DENND1A: variants seen among roughly 807,000 people sequenced by gnomAD.
DENND1A encodes DENN domain containing 1A.
DENND1A carries 51 observed loss-of-function variants against 113.7 expected under a neutral mutation model. That is an observed-to-expected ratio of 0.45 (90% CI 0.36 to 0.57). DENND1A has a LOEUF of 0.57. Ranked by LOEUF, DENND1A falls within the 20% of genes least tolerant of loss-of-function variation. The pLI, the probability that DENND1A is intolerant of heterozygous loss-of-function variation, is 0.00. For synonymous variants in DENND1A, 565 were observed against 570.8 expected (o/e 0.99, Z 0.14); for missense variants, 1,258 against 1,395.9 (o/e 0.90, Z 1.57).
intron 13 of DENND1A, among the ~76,000 whole-genome samples, chr9:123,530,083 A>G (rs1035697518): frequency 2.0e-5 from 3 of 152,230 alleles, no homozygotes; most frequent in African/African-American, 7.2e-5. Flanking sequence ...AGCATGGCTA[A>G]TAAATTGGGA....
chr9:123,408,765 T>C (rs2044081703), intron 20 of DENND1A, among the ~76,000 whole-genome samples: 1 of 152,176 alleles, frequency 6.6e-6, no homozygotes, highest in South Asian at 2.1e-4. Flanking sequence ...GAGTCCTCAG[T>C]TGCCAATGGA....
At chr9:123,435,420 T>C (rs1411238513) in intron 19 of DENND1A, among the ~76,000 whole-genome samples, 3 of 152,214 alleles carry the variant, frequency 2.0e-5, no homozygotes, top group Non-Finnish European at 4.4e-5. Flanking sequence ...CAGACCTCCC[T>C]GCCACAGTTC....
intron 8 of DENND1A, among the ~76,000 whole-genome samples, chr9:123,656,477 T>C (rs1219822073): frequency 1.3e-5 from 2 of 152,172 alleles, no homozygotes; most frequent in African/African-American, 4.8e-5. Context: ...TGGGTGTAGA[T>C]GTCAGGGATA....
At chr9:123,655,246 C>T (rs1036711140) in intron 8 of DENND1A, among the ~76,000 whole-genome samples, 4 of 152,094 alleles carry the variant, frequency 2.6e-5, no homozygotes, top group Admixed American at 6.6e-5. Flanking sequence ...TGCCACGAGA[C>T]GGGGTCCTGT....
chr9:123,648,779 G>C (rs770185654), intron 9 of DENND1A, among the ~76,000 whole-genome samples: 1 of 152,018 alleles, frequency 6.6e-6, no homozygotes, highest in African/African-American at 2.4e-5. Flanking sequence ...TCACATTTAA[G>C]TTCTTGATCC....
At position 123,583,238 on chromosome 9, in the gene DENND1A, CACG is replaced by C; in HGVS notation, c.795_797del (p.Val266del). 6.2e-7 allele frequency: 1 copy of C among 1,612,372 alleles called. No individual in the cohort carries two copies. The highest frequency in any genetic ancestry group is 8.5e-7 in the Non-Finnish European group (1 of 1,179,106). On this transcript the variant is annotated inframe_deletion, in exon 12 of 24. Transcript: ENST00000394215. ...GGGTGTTGGTGTCCACATTCAGGAT[CACG>C]ACATCATCCAGGGCCATGTTTCTGA...
intron 12 of DENND1A, among the ~76,000 whole-genome samples, chr9:123,575,562 G>A (rs991990773): frequency 1.3e-5 from 2 of 152,208 alleles, no homozygotes; most frequent in African/African-American, 2.4e-5. Flanking sequence ...ATATCCACAT[G>A]ACATCACTGG....
intron 5 of DENND1A, among the ~76,000 whole-genome samples, chr9:123,734,546 A>G (rs1426561922): frequency 6.6e-6 from 1 of 152,196 alleles, no homozygotes; most frequent in African/African-American, 2.4e-5. Flanking sequence ...TAAGGCACCA[A>G]GTTTGGGATG....
chr9:123,450,126 G>A (rs1035028602), intron 18 of DENND1A, among the ~76,000 whole-genome samples: 1 of 151,406 alleles, frequency 6.6e-6, no homozygotes, highest in African/African-American at 2.4e-5. Flanking sequence ...TTTACTGACG[G>A]CTGGTGAAGA....
intron 3 of DENND1A, among the ~76,000 whole-genome samples, chr9:123,773,419 C>A (rs1358142050): frequency 6.6e-6 from 1 of 152,170 alleles, no homozygotes; most frequent in African/African-American, 2.4e-5. Context: ...CGAATTTACT[C>A]CAATCTGGAG....
At chr9:123,431,536 A>C (rs1451570721) in intron 19 of DENND1A, among the ~76,000 whole-genome samples, 1 of 152,204 alleles carries the variant, frequency 6.6e-6, no homozygotes, top group Non-Finnish European at 1.5e-5. Flanking sequence ...GCAAGAACCC[A>C]AGCTTTAGAA....
intron 21 of DENND1A, among the ~76,000 whole-genome samples, chr9:123,398,144 T>C (rs2043229532): frequency 2.0e-5 from 3 of 152,220 alleles, no homozygotes; most frequent in Admixed American, 1.3e-4. Flanking sequence ...CAGATGCCTG[T>C]AATTATCTCC....
intron 2 of DENND1A, among the ~76,000 whole-genome samples, chr9:123,841,159 C>G (rs1185668793): frequency 2.0e-5 from 3 of 152,156 alleles, no homozygotes; most frequent in Admixed American, 1.3e-4. Flanking sequence ...TAGTATAGTG[C>G]TTTCCAGAGA....
chr9:123,669,153 C>T (rs1407143915), intron 7 of DENND1A, among the ~76,000 whole-genome samples: 2 of 152,138 alleles, frequency 1.3e-5, no homozygotes, highest in African/African-American at 2.4e-5. Flanking sequence ...TACCATCACT[C>T]ATATCAGACA....
Position 123,388,968 on chromosome 9 carries a change from C to T in DENND1A, c.1632-1110G>A, listed in dbSNP as rs934342455. Among the ~76,000 whole-genome samples the T allele has an allele frequency of 5.3e-5, 8 of 152,180 alleles. No homozygotes were observed. In the East Asian group the frequency reaches 5.8e-4, roughly 11 times the overall value. The stretch of plus-strand genomic sequence containing the variant: ...TGAAGTCTGGGGAGAATGTGGGGCA[C>T]GGGGGCTGGCATGGGCTACCTCCTC... On this transcript the variant is annotated intron_variant, in intron 21 of 23. Transcript: ENST00000394215.
At chr9:123,575,706 C>T (rs1468238788) in intron 12 of DENND1A, among the ~76,000 whole-genome samples, 1 of 152,128 alleles carries the variant, frequency 6.6e-6, no homozygotes, top group South Asian at 2.1e-4. Flanking sequence ...GGGCAAGGGG[C>T]GATTAAGCCC....
At chr9:123,409,955 G>A (rs1302466750) in intron 20 of DENND1A, among the ~76,000 whole-genome samples, 1 of 152,166 alleles carries the variant, frequency 6.6e-6, no homozygotes, top group Non-Finnish European at 1.5e-5. Context: ...AGCCGTGCAT[G>A]GTGGCGGGCA....
intron 8 of DENND1A, among the ~76,000 whole-genome samples, chr9:123,665,312 C>A: frequency 6.6e-6 from 1 of 151,966 alleles, no homozygotes; most frequent in Admixed American, 6.6e-5. Flanking sequence ...GTTGAGAGAG[C>A]TAAATGAGAA....
At chr9:123,802,592 G>C (rs547669071) in intron 2 of DENND1A, among the ~76,000 whole-genome samples, 35 of 17,052 alleles carry the variant, frequency 2.1e-3, no homozygotes, top group Admixed American at 1.7e-3. Context: ...CAAATTTCAA[G>C]CATCTCAGTC....
Sources: allele counts gnomAD v4.1 joint callset (sites outside exome capture counted in the v4.1 genomes callset), GRCh38; gene constraint gnomAD v4.1.1; transcripts MANE v1.5; gene names NCBI Gene and HGNC (gene_info 2026-07-23, HGNC 2026-07-21).